Variants in ATRNL1 observed in about 807,000 individuals in gnomAD.
ATRNL1 encodes the protein attractin like 1.
In ATRNL1, 95 loss-of-function variants were observed where a neutral mutation model predicts 182.7. The ratio of observed to expected loss-of-function variants is 0.52; its 90% CI spans 0.44 to 0.62. ATRNL1 has a LOEUF of 0.62. ATRNL1 is among the 20% of genes least tolerant of loss of function. ATRNL1 has a pLI of 0.00. For missense variants in ATRNL1, 1,471 were observed against 1,679.5 expected, an observed-to-expected ratio of 0.88 and a Z score of 2.17; for synonymous variants, 576 against 568.3, an observed-to-expected ratio of 1.01 and a Z score of -0.19.
intron 5 of ATRNL1, among the ~76,000 whole-genome samples, chr10:115,131,542 A>AT (rs1195775119): frequency 6.6e-6 from 1 of 152,142 alleles, no homozygotes; most frequent in Non-Finnish European, 1.5e-5. Context: ...TTAGGGGAAA[A>AT]TGATGTTTTT....
intron 18 of ATRNL1, among the ~76,000 whole-genome samples, chr10:115,319,399 A>G (rs1225606821): frequency 6.6e-6 from 1 of 152,244 alleles, no homozygotes; most frequent in Middle Eastern, 3.2e-3. Context: ...GAAGTCTATT[A>G]GGTCCACCTG....
chr10:115,346,265 C>A (rs1395628236), intron 19 of ATRNL1, among the ~76,000 whole-genome samples: 4 of 152,078 alleles, frequency 2.6e-5, no homozygotes, highest in Admixed American at 2.0e-4. Flanking sequence ...CTACCCACTC[C>A]CCCACCTCCT....
chr10:115,369,735 T>G (rs1554947455), intron 19 of ATRNL1, among the ~76,000 whole-genome samples: 1 of 152,216 alleles, frequency 6.6e-6, no homozygotes, highest in African/African-American at 2.4e-5. Context: ...TCTCTAACTC[T>G]TGTTATCTTT....
chr10:115,654,217 T>C (rs1314767163), intron 26 of ATRNL1, among the ~76,000 whole-genome samples: 1 of 151,826 alleles, frequency 6.6e-6, no homozygotes, highest in Non-Finnish European at 1.5e-5. Flanking sequence ...TGAATTTCTT[T>C]TCTTTTTTTT....
At chr10:115,855,977 GA>G (rs1178130756) in intron 28 of ATRNL1, among the ~76,000 whole-genome samples, 2 of 152,044 alleles carry the variant, frequency 1.3e-5, no homozygotes, top group African/African-American at 4.8e-5. Flanking sequence ...ATTTAAGTTT[GA>G]AAGAGCCCAA....
At chr10:115,644,034 C>T (rs1358478451) in intron 26 of ATRNL1, among the ~76,000 whole-genome samples, 1 of 152,116 alleles carries the variant, frequency 6.6e-6, no homozygotes, top group African/African-American at 2.4e-5. Context: ...TGGCTTTATT[C>T]ATAAACACCA....
rs555271287 is a variant in ATRNL1, at chr10:115,727,924, T to C, written c.3903+569T>C. Among the ~76,000 whole-genome samples the C allele has an allele frequency of 3.3e-5, 5 of 152,054 alleles. No homozygotes were observed. The East Asian group carries it at 9.7e-4, about 29-fold the overall frequency. ...AGAAATCATTATATGCAACTAAATA[T>C]GGTATTAGAATCCAAAAGTAATACA... is the stretch of plus-strand genomic sequence containing the variant. On this transcript the variant is annotated intron_variant, in intron 27 of 28. Transcript: ENST00000355044.
chr10:115,403,257 CTTTT>C (rs59256867), intron 20 of ATRNL1, among the ~76,000 whole-genome samples: 2 of 107,470 alleles, frequency 1.9e-5, no homozygotes, highest in African/African-American at 4.9e-5. Flanking sequence ...TTACTCTCAT[CTTTT>C]TTTTTTTTTT....
chr10:115,934,746 C>G (rs1953505305), intron 28 of ATRNL1, among the ~76,000 whole-genome samples: 1 of 152,160 alleles, frequency 6.6e-6, no homozygotes, highest in Admixed American at 6.5e-5. Flanking sequence ...CTGATTATGC[C>G]TCTCTACTCC....
chr10:115,849,039 C>T (rs1001184051), intron 28 of ATRNL1, among the ~76,000 whole-genome samples: 2 of 152,168 alleles, frequency 1.3e-5, no homozygotes, highest in Admixed American at 6.6e-5. Context: ...AAATGTACTA[C>T]TTTATGCCTT....
chr10:115,752,619 A>C (rs2134124135), intron 27 of ATRNL1, among the ~76,000 whole-genome samples: 1 of 152,164 alleles, frequency 6.6e-6, no homozygotes, highest in African/African-American at 2.4e-5. Context: ...CCCCTAGATG[A>C]AGACAGACAT....
rs554712013 is a variant in ATRNL1, at chr10:115,819,867, G to A, written c.3904-28010G>A. The A allele has an allele frequency of 6.0e-5, 9 of 150,790 alleles. No individual in the cohort carries two copies. In the South Asian group the frequency reaches 8.4e-4, roughly 14 times the overall value. 9.3% of individuals were successfully genotyped at this position (150,790 alleles called of 1,614,324 possible). A position where few individuals can be genotyped will look rare whatever the true frequency, so the allele number is the denominator to read the frequency against. ...TTTTCTCCTCACCTCCTTCATTCAC[G>A]TATAAACTAGAATTCTATTTCCAAG... is the stretch of plus-strand genomic sequence containing the variant. On this transcript the variant is annotated intron_variant, in intron 27 of 28. Transcript: ENST00000355044.
At chr10:115,835,521 G>A (rs1950649172) in intron 27 of ATRNL1, among the ~76,000 whole-genome samples, 1 of 152,164 alleles carries the variant, frequency 6.6e-6, no homozygotes, top group African/African-American at 2.4e-5. Flanking sequence ...TCATATGGGA[G>A]AATTGGGAAA....
intron 28 of ATRNL1, among the ~76,000 whole-genome samples, chr10:115,889,709 CTG>C (rs782701163): frequency 4.3e-4 from 66 of 152,060 alleles, no homozygotes; most frequent in Non-Finnish European, 2.5e-4. Flanking sequence ...CCTCTAAAAC[CTG>C]TGTTCTTAAC....
intron 8 of ATRNL1, among the ~76,000 whole-genome samples, chr10:115,197,404 T>A (rs1848402045): frequency 6.6e-6 from 1 of 152,180 alleles, no homozygotes; most frequent in South Asian, 2.1e-4. Context: ...TTTCATCTTT[T>A]TTAAGAGTTT....
At chr10:115,540,131 TAATA>T (rs1554991544) in intron 25 of ATRNL1, among the ~76,000 whole-genome samples, 16 of 147,614 alleles carry the variant, frequency 1.1e-4, no homozygotes, top group Non-Finnish European at 1.9e-4. Flanking sequence ...AGTATAATAA[TAATA>T]AATAAATAAA....
chr10:115,245,554 C>G (rs542849966), intron 10 of ATRNL1, among the ~76,000 whole-genome samples: 1 of 149,650 alleles, frequency 6.7e-6, no homozygotes, highest in Non-Finnish European at 1.5e-5. Context: ...GCCTGGGATA[C>G]CTGATTTTGT....
intron 27 of ATRNL1, among the ~76,000 whole-genome samples, chr10:115,837,023 G>A (rs1443209434): frequency 1.3e-5 from 2 of 152,066 alleles, no homozygotes; most frequent in Admixed American, 6.5e-5. Context: ...ACCAGGGAAA[G>A]GATCATTACC....
intron 7 of ATRNL1, among the ~76,000 whole-genome samples, chr10:115,168,858 G>C (rs1554884876): frequency 6.6e-6 from 1 of 151,028 alleles, no homozygotes; most frequent in African/African-American, 2.4e-5. Context: ...CTTGTGATTT[G>C]GTGTCATATT....
Sources: gnomAD v4.1 joint callset for allele counts (sites outside exome capture counted in the v4.1 genomes callset) on GRCh38, gnomAD v4.1.1 for gene constraint, MANE v1.5 for transcripts, NCBI Gene and HGNC (gene_info 2026-07-23, HGNC 2026-07-21) for gene names.